The following BCAS3 variants were observed in gnomAD, a reference collection of about 807,000 sequenced individuals.
BCAS3 encodes the protein BCAS4/BCAS3 fusion.
BCAS3 carries 53 observed loss-of-function variants against 116.1 expected under a neutral mutation model. That is an observed-to-expected ratio of 0.46 (90% CI 0.37 to 0.57). The LOEUF (loss-of-function observed/expected upper bound fraction) is 0.57, where lower values mean the gene tolerates loss of function less well. Among genes scored for constraint, BCAS3 ranks in the 20% least tolerant of loss-of-function variants. The pLI is 0.00. For missense variants in BCAS3, 917 were observed against 1,165.4 expected, an observed-to-expected ratio of 0.79 and a Z score of 3.10; for synonymous variants, 391 against 408.2, an observed-to-expected ratio of 0.96 and a Z score of 0.51.
chr17:61,159,857 C>A (rs1568476432), intron 22 of BCAS3, among the ~76,000 whole-genome samples: 2 of 152,130 alleles, frequency 1.3e-5, no homozygotes, highest in African/African-American at 4.8e-5. Context: ...AAAATCCAGT[C>A]CTAGAACAGA....
chr17:60,814,300 T>TGCAC (rs1216288009), intron 7 of BCAS3, among the ~76,000 whole-genome samples: 6 of 130,500 alleles, frequency 4.6e-5, no homozygotes, highest in African/African-American at 2.4e-4. Flanking sequence ...TGTGTGTGTG[T>TGCAC]GTGTGTGCGC....
chr17:60,829,012 A>C (rs1414719324), intron 7 of BCAS3, among the ~76,000 whole-genome samples: 2 of 152,204 alleles, frequency 1.3e-5, no homozygotes, highest in African/African-American at 4.8e-5. Context: ...TCAGCCCTTA[A>C]CAGCAAAGAA....
chr17:60,718,267 GT>G (rs202069761), intron 5 of BCAS3, among the ~76,000 whole-genome samples: 5 of 150,206 alleles, frequency 3.3e-5, no homozygotes, highest in African/African-American at 7.3e-5. Flanking sequence ...TTTTTTTCCA[GT>G]TTTTTTTTCA....
At chr17:61,000,281 A>T (rs2064147816) in intron 15 of BCAS3, among the ~76,000 whole-genome samples, 1 of 151,408 alleles carries the variant, frequency 6.6e-6, no homozygotes, top group Non-Finnish European at 1.5e-5. Context: ...GTTGTAGATG[A>T]CTCTTACTAT....
chr17:60,897,765 A>T (rs1334237771), intron 10 of BCAS3, among the ~76,000 whole-genome samples: 2 of 152,110 alleles, frequency 1.3e-5, no homozygotes, highest in Admixed American at 6.6e-5. Flanking sequence ...ATCCAGGCTG[A>T]AGTTCACTGG....
chr17:60,774,707 G>A (rs140559640), intron 6 of BCAS3, among the ~76,000 whole-genome samples: 7 of 152,342 alleles, frequency 4.6e-5, no homozygotes, highest in African/African-American at 1.7e-4. Flanking sequence ...GAGCTAGATA[G>A]TATTTTAGGC....
chr17:60,750,309 A>G (rs534386438), intron 6 of BCAS3, among the ~76,000 whole-genome samples: 1 of 152,332 alleles, frequency 6.6e-6, no homozygotes, highest in East Asian at 1.9e-4. Flanking sequence ...AAGTTTTAGC[A>G]AACTAGGAAT....
chr17:60,848,685 T>C (rs1238489568), intron 7 of BCAS3, among the ~76,000 whole-genome samples: 2 of 152,100 alleles, frequency 1.3e-5, no homozygotes, highest in South Asian at 2.1e-4. Flanking sequence ...CCATTTATCA[T>C]GTTTTCAAGT....
At chr17:61,254,435 T>G (rs1258446709) in intron 22 of BCAS3, among the ~76,000 whole-genome samples, 7 of 152,172 alleles carry the variant, frequency 4.6e-5, no homozygotes, top group Admixed American at 4.6e-4. Flanking sequence ...TTTGCCCTAG[T>G]GTCAAGTCAG....
chr17:60,797,020 G>C (rs909680541), intron 6 of BCAS3, among the ~76,000 whole-genome samples: 1 of 152,072 alleles, frequency 6.6e-6, no homozygotes, highest in Non-Finnish European at 1.5e-5. Flanking sequence ...TCAGCCTCCT[G>C]AGTAGCTGGG....
rs1304144521 is a variant in BCAS3, at chr17:61,387,339, C to T, written c.2594-4638C>T. On this transcript the variant is annotated intron_variant, in intron 23 of 23. Coordinates refer to ENST00000407086, the MANE Select transcript of BCAS3 (RefSeq NM_017679.5). This position sits in a 1 kb window ranked among gnomAD's most constrained non-coding sequence, Gnocchi z 6.2. The stretch of plus-strand genomic sequence containing the variant: ...AGACAAAGAGTGACCCCACCCCACC[C>T]CATCTCCCTGGGCACACGCTCCCAA... Among the ~76,000 whole-genome samples, 1 of 152,192 alleles carries T rather than the reference C, an allele frequency of 6.6e-6. No homozygotes were observed. Among genetic ancestry groups the T allele is most frequent in the Admixed American group, 6.5e-5 (1 of 15,280 alleles).
chr17:61,163,715 G>A (rs923084459), intron 22 of BCAS3, among the ~76,000 whole-genome samples: 8 of 151,998 alleles, frequency 5.3e-5, no homozygotes, highest in Admixed American at 2.0e-4. Flanking sequence ...AGCCAGGCAC[G>A]GTGGCTCACG....
At position 60,825,857 on chromosome 17, in the gene BCAS3, G is replaced by GTTTTT. The variant is rs770293138; in HGVS notation, c.476+17795_476+17799dup. Among the ~76,000 whole-genome samples, 12 of 130,060 alleles carry GTTTTT rather than the reference G, an allele frequency of 9.2e-5. 1 individual carries two copies. The highest frequency in any genetic ancestry group is 3.6e-4 in the African/African-American group (12 of 33,562). 85.3% of individuals were successfully genotyped at this position (130,060 alleles called of 152,430 possible). A position where few individuals can be genotyped will look rare whatever the true frequency, so the allele number is the denominator to read the frequency against. Reference sequence around the variant, plus strand: ...TCTTAATACTATCTCTGGGGATTCAGTTTTTTTTTTTTTTTTTTGAGACGA... The same window carrying GTTTTT: ...TCTTAATACTATCTCTGGGGATTCAGTTTTTTTTTTTTTTTTTTTTTTTGAGACGA... On this transcript the variant is annotated intron_variant, in intron 7 of 23. Transcript: ENST00000407086.
chr17:60,682,456 AATCATATTATTTTCAAGTGTG>A (rs1251361980), intron 2 of BCAS3, among the ~76,000 whole-genome samples: 1 of 152,160 alleles, frequency 6.6e-6, no homozygotes, highest in Non-Finnish European at 1.5e-5. Flanking sequence ...ATTTATGATA[AATCATATTATTTTCAAGTGTG>A]ATTTTTCACA....
chr17:60,706,803 CT>C (rs546689684), intron 4 of BCAS3, among the ~76,000 whole-genome samples: 13,493 of 122,226 alleles, frequency 0.11, 1,607 homozygotes, highest in African/African-American at 0.35. Context: ...TTACACTATA[CT>C]TTTTTTTTTT....
chr17:61,388,405 A>C lies in BCAS3; in HGVS notation c.2594-3572A>C. On this transcript the variant is annotated intron_variant, in intron 23 of 23. Transcript: ENST00000407086. The surrounding 1 kb of genome is among the most constrained non-coding windows in gnomAD (Gnocchi z 6.5). ...GAACGGGGTCTTGGCCCCCTCTGTC[A>C]CAGCAGATCCATCTCTGGGACCCCC... 4.0e-6 allele frequency: 2 copies of C among 503,562 alleles called. No individual in the cohort carries two copies. Among genetic ancestry groups the C allele is most frequent in the Non-Finnish European group, 3.6e-6 (1 of 281,304 alleles). The allele number at this position is 503,562 out of a possible 1,614,324, so 31.2% of individuals were successfully genotyped here. A position where few individuals can be genotyped will look rare whatever the true frequency, so the allele number is the denominator to read the frequency against.
chr17:60,792,575 C>T (rs1157799441), intron 6 of BCAS3, among the ~76,000 whole-genome samples: 1 of 152,196 alleles, frequency 6.6e-6, no homozygotes, highest in African/African-American at 2.4e-5. Context: ...GATTCTGTAA[C>T]AGTGGGGCCT....
intron 11 of BCAS3, among the ~76,000 whole-genome samples, chr17:60,909,563 G>T (rs771842542): frequency 2.6e-5 from 4 of 151,926 alleles, no homozygotes; most frequent in Non-Finnish European, 5.9e-5. Context: ...GTATTCTAGG[G>T]TGCCTGTTTT....
At chr17:60,689,565 A>G (rs2034541743) in intron 3 of BCAS3, 121 bp from the exon 4 acceptor site, 1 of 566,954 alleles carries the variant, frequency 1.8e-6, no homozygotes, top group Non-Finnish European at 3.1e-6. Context: ...TCTAGTTACC[A>G]AGATGTAGGG....
Sources: gnomAD v4.1 joint callset for allele counts (sites outside exome capture counted in the v4.1 genomes callset) on GRCh38, gnomAD v4.1.1 for gene constraint, Gnocchi (gnomAD v3.1) non-coding constraint, MANE v1.5 for transcripts, NCBI Gene and HGNC (gene_info 2026-07-23, HGNC 2026-07-21) for gene names.